Variants in PPARD observed in about 807,000 individuals in gnomAD.
PPARD encodes peroxisome proliferator activated receptor delta, also known as peroxisome proliferator-activated receptor delta.
PPARD carries 6 observed loss-of-function variants against 39.5 expected under a neutral mutation model. The observed-to-expected ratio is 0.15, with a 90% CI of 0.08 to 0.30. PPARD has a LOEUF of 0.30. Among genes scored for constraint, PPARD ranks in the 10% least tolerant of loss-of-function variants. The pLI, the probability that PPARD is intolerant of heterozygous loss-of-function variation, is 1.00. For missense variants in PPARD, 397 were observed against 596.8 expected (o/e 0.67, Z 3.49); for synonymous variants, 210 against 231.3 (o/e 0.91, Z 0.83).
chr6:35,382,428 ATTAAT>A (rs986112195), intron 2 of PPARD, among the ~76,000 whole-genome samples: 7 of 152,242 alleles, frequency 4.6e-5, no homozygotes, highest in African/African-American at 1.7e-4. Flanking sequence ...TTTCACCCAC[ATTAAT>A]TTAACCAGAG....
intron 2 of PPARD, among the ~76,000 whole-genome samples, chr6:35,355,598 CTTTTTTTTTTTT>C (rs1166499750): frequency 4.5e-4 from 15 of 33,466 alleles, no homozygotes; most frequent in Non-Finnish European, 5.9e-4. Flanking sequence ...TCTTCTTCTT[CTTTTTTTTTTTT>C]TTTTTTTTTT....
intron 3 of PPARD, among the ~76,000 whole-genome samples, chr6:35,419,908 T>C (rs1348392473): frequency 2.0e-5 from 3 of 152,214 alleles, no homozygotes; most frequent in Non-Finnish European, 4.4e-5. Context: ...TTCTGTATGT[T>C]AGGCTCTGGG....
chr6:35,377,172 C>T (rs764628741), intron 2 of PPARD, among the ~76,000 whole-genome samples: 2 of 152,140 alleles, frequency 1.3e-5, no homozygotes, highest in Non-Finnish European at 2.9e-5. Context: ...GGCTTTAAAC[C>T]GCTTCATTTG....
At chr6:35,362,482 G>T (rs572887459) in intron 2 of PPARD, among the ~76,000 whole-genome samples, 1 of 151,208 alleles carries the variant, frequency 6.6e-6, no homozygotes, top group African/African-American at 2.4e-5. Flanking sequence ...TCCAGAAAAG[G>T]ATACCACCTC....
chr6:35,344,803 T>C (rs75205617), intron 1 of PPARD, among the ~76,000 whole-genome samples: 9,004 of 152,236 alleles, frequency 0.059, 874 homozygotes, highest in African/African-American at 0.2. Context: ...TACACTGTTT[T>C]CTGTGAAAGC....
rs1437266522 is a variant in PPARD, at chr6:35,401,528, G to A, written c.-101-9459G>A. ...CTCAGCTTACCCTTCAAGACGCTGAGTGACCTCTAGCCACAGCCCTTCTCT... is the reference window on the plus strand; with the variant it reads ...CTCAGCTTACCCTTCAAGACGCTGAATGACCTCTAGCCACAGCCCTTCTCT... On this transcript the variant is annotated intron_variant, in intron 2 of 7. Coordinates refer to ENST00000360694, the MANE Select transcript of PPARD (RefSeq NM_006238.5). This position sits in a 1 kb window ranked among gnomAD's most constrained non-coding sequence, Gnocchi z 4.1. 6.6e-6 allele frequency among the ~76,000 whole-genome samples: 1 copy of A among 152,172 alleles called. No homozygotes were observed. Among genetic ancestry groups the A allele is most frequent in the Non-Finnish European group, 1.5e-5 (1 of 68,046 alleles).
At chr6:35,357,789 G>T (rs769034742) in intron 2 of PPARD, among the ~76,000 whole-genome samples, 1 of 137,898 alleles carries the variant, frequency 7.3e-6, no homozygotes, top group African/African-American at 3.5e-5. Flanking sequence ...CACTTGCCTC[G>T]GCCTCCCAAA....
chr6:35,355,736 C>T (rs1761570621), intron 2 of PPARD, among the ~76,000 whole-genome samples: 3 of 150,138 alleles, frequency 2.0e-5, no homozygotes, highest in Admixed American at 6.7e-5. Context: ...CTCAGCCTCC[C>T]GAGTAGCTGG....
Position 35,399,235 on chromosome 6 carries a change from A to G in PPARD, c.-101-11752A>G, listed in dbSNP as rs1322165206. Among the ~76,000 whole-genome samples the G allele has an allele frequency of 2.0e-5, 3 of 151,904 alleles. No homozygotes were observed. In the East Asian group the frequency reaches 5.8e-4, roughly 29 times the overall value. ...GCCAACGTGGTGAAACTCCATCTCT[A>G]CTAAAAATACAAAAATTAGCTGGGT... is the stretch of plus-strand genomic sequence containing the variant. On this transcript the variant is annotated intron_variant, in intron 2 of 7. Transcript: ENST00000360694.
Position 35,376,832 on chromosome 6 carries a change from A to G in PPARD, c.-102+29682A>G, listed in dbSNP as rs139496098. 6.4e-4 allele frequency among the ~76,000 whole-genome samples: 97 copies of G among 152,002 alleles called. No homozygotes were observed. The East Asian group carries it at 0.015, about 23-fold the overall frequency. ...TCAGGAGATTGAGACCATCCTGGCT[A>G]ACGCGGTGAAACCCCGTCTCTACTA... is the stretch of plus-strand genomic sequence containing the variant. On this transcript the variant is annotated intron_variant, in intron 2 of 7. Transcript: ENST00000360694.
chr6:35,410,785 A>G (rs1449984687), intron 2 of PPARD, among the ~76,000 whole-genome samples: 1 of 152,210 alleles, frequency 6.6e-6, no homozygotes, highest in Admixed American at 6.5e-5. Flanking sequence ...ACCCACTACA[A>G]GAGCCAGGTG....
chr6:35,346,985 G>T lies in PPARD; in HGVS notation c.-185-82G>T. The T allele has an allele frequency of 9.0e-6, 7 of 780,554 alleles. No homozygotes were observed. The South Asian group carries it at 1.1e-4, about 12-fold the overall frequency. The allele number at this position is 780,554 out of a possible 1,614,324, so 48.4% of individuals were successfully genotyped here. A position where few individuals can be genotyped will look rare whatever the true frequency, so the allele number is the denominator to read the frequency against. On this transcript the variant is annotated intron_variant, in intron 1 of 7. Transcript: ENST00000360694. ...ACCTTAGGAACACTCTTTGAGTTAC[G>T]GTGGGTATAACTTATTAGAGTTGCT... is the stretch of plus-strand genomic sequence containing the variant.
chr6:35,409,978 G>A (rs1765320049), intron 2 of PPARD, among the ~76,000 whole-genome samples: 1 of 152,182 alleles, frequency 6.6e-6, no homozygotes, highest in Admixed American at 6.5e-5. Context: ...TCTAGAGCAG[G>A]GAGAGAGAGC....
chr6:35,425,610 TC>T lies in PPARD; in HGVS notation c.1079-221del, dbSNP rs1431774809. The stretch of plus-strand genomic sequence containing the variant: ...TTAACCACAATACTACGTTGCCTAA[TC>T]GGGGGGGAGGTGGGGACAAATTGGC... On this transcript the variant is annotated intron_variant, in intron 7 of 7. Transcript: ENST00000360694. The surrounding 1 kb of genome is among the most constrained non-coding windows in gnomAD (Gnocchi z 4.5). Among the ~76,000 whole-genome samples the T allele has an allele frequency of 6.7e-6, 1 of 149,892 alleles. No individual in the cohort carries two copies. Among genetic ancestry groups the T allele is most frequent in the Non-Finnish European group, 1.5e-5 (1 of 67,482 alleles).
At chr6:35,351,069 A>G (rs1466375360) in intron 2 of PPARD, among the ~76,000 whole-genome samples, 5 of 152,126 alleles carry the variant, frequency 3.3e-5, no homozygotes, top group Non-Finnish European at 5.9e-5. Context: ...TCTGTCACCC[A>G]GGCTGGAGTG....
At chr6:35,349,137 T>C (rs1761072186) in intron 2 of PPARD, 1 of 645,660 alleles carries the variant, frequency 1.5e-6, no homozygotes, top group Non-Finnish European at 1.9e-6. Flanking sequence ...ACCATTCTCC[T>C]GCCTAAGCCT....
rs1480020138 is a variant in PPARD at position 35,426,807 on chromosome 6, A to C, written c.*728A>C. ...ACCCAACTGATCCTGCTCCAGCAGC[A>C]CACCTCAGCCCCACTGACACCCAGT... On this transcript the variant is annotated 3_prime_UTR_variant, in exon 8 of 8. Coordinates refer to ENST00000360694, the MANE Select transcript of PPARD (RefSeq NM_006238.5). 1 of 152,712 alleles carries C rather than the reference A, an allele frequency of 6.5e-6. No homozygotes were observed. Among genetic ancestry groups the C allele is most frequent in the African/African-American group, 2.4e-5 (1 of 41,462 alleles). The allele number at this position is 152,712 out of a possible 1,614,324, so 9.5% of individuals were successfully genotyped here.
chr6:35,348,097 G>A (rs1582264404), intron 2 of PPARD, among the ~76,000 whole-genome samples: 3 of 151,800 alleles, frequency 2.0e-5, no homozygotes, highest in Middle Eastern at 3.4e-3. Context: ...TAGTAGAGAC[G>A]GGGTTTCACC....
chr6:35,407,879 TG>T (rs934438184), intron 2 of PPARD, among the ~76,000 whole-genome samples: 5 of 151,896 alleles, frequency 3.3e-5, no homozygotes, highest in Non-Finnish European at 7.4e-5. Flanking sequence ...TCCAGTATTG[TG>T]GCCAACTTCC....
Sources: gnomAD v4.1 joint callset for allele counts (sites outside exome capture counted in the v4.1 genomes callset) on GRCh38, gnomAD v4.1.1 for gene constraint, Gnocchi (gnomAD v3.1) non-coding constraint, MANE v1.5 for transcripts, NCBI Gene and HGNC (gene_info 2026-07-23, HGNC 2026-07-21) for gene names.